The following SLC7A9 variants were observed in gnomAD, a reference collection of about 807,000 sequenced individuals.
The protein encoded by SLC7A9 is solute carrier family 7 member 9.
SLC7A9 carries 38 observed loss-of-function variants against 54.1 expected under a neutral mutation model. That is an observed-to-expected ratio of 0.70 (90% CI 0.54 to 0.92). The LOEUF (loss-of-function observed/expected upper bound fraction) is 0.92, where lower values mean the gene tolerates loss of function less well. Ranked by LOEUF, SLC7A9 falls within the 40% of genes least tolerant of loss-of-function variation. The pLI, the probability that SLC7A9 is intolerant of heterozygous loss-of-function variation, is 0.00. For synonymous variants in SLC7A9, 264 were observed against 258.9 expected, an observed-to-expected ratio of 1.02 and a Z score of -0.19; for missense variants, 537 against 636.1, an observed-to-expected ratio of 0.84 and a Z score of 1.68.
chr19:32,861,008 T>C (rs923451514), intron 6 of SLC7A9, among the ~76,000 whole-genome samples: 1 of 152,210 alleles, frequency 6.6e-6, no homozygotes, highest in South Asian at 2.1e-4. Flanking sequence ...AGGACCATCG[T>C]TGCAGATGGC....
At chr19:32,846,055 A>G (rs967197121) in intron 9 of SLC7A9, among the ~76,000 whole-genome samples, 2 of 152,228 alleles carry the variant, frequency 1.3e-5, no homozygotes, top group African/African-American at 2.4e-5. Flanking sequence ...AGATAGCCGA[A>G]TAGGAACAGC....
At position 32,858,602 on chromosome 19, in the gene SLC7A9, C is replaced by A. The variant is rs947580264; in HGVS notation, c.874-59G>T. 519 of 1,381,026 alleles carry A rather than the reference C, an allele frequency of 3.8e-4. 1 individual carries two copies. The highest frequency in any genetic ancestry group is 4.9e-4 in the Non-Finnish European group (486 of 991,784). The allele number at this position is 1,381,026 out of a possible 1,614,324, so 85.5% of individuals were successfully genotyped here. ...TTTCTTGGCCTCCAAGAGCGGCCGG[C>A]CCCCAAAAGCTATTCTGGCCTCCCA... is the stretch of plus-strand genomic sequence containing the variant. On this transcript the variant is annotated intron_variant, in intron 8 of 12. Transcript: ENST00000023064.
In SLC7A9 at chr19:32,868,155, G is replaced by A. The variant is rs28477397; in HGVS notation, c.87+293C>T. Among the ~76,000 whole-genome samples, 21,025 of 148,258 alleles carry A rather than the reference G, an allele frequency of 0.14. 2,680 individuals are homozygous for A. The highest frequency in any genetic ancestry group is 0.34 in the African/African-American group (13,380 of 39,596). On this transcript the variant is annotated intron_variant, in intron 2 of 12. Coordinates refer to ENST00000023064, the MANE Select transcript of SLC7A9 (RefSeq NM_014270.5). ...CTGAGTCAGAAGAATCCCTTGAACC[G>A]GGGAGGTGAAGGTTGCATTGAGCCG...
At position 32,868,505 on chromosome 19, in the gene SLC7A9, T is replaced by C. The variant is rs765983557; in HGVS notation, c.30A>G (p.Arg10=). 5 of 1,613,980 alleles carry C rather than the reference T, an allele frequency of 3.1e-6. No individual in the cohort carries two copies. The highest frequency in any genetic ancestry group is 2.2e-5 in the East Asian group (1 of 44,878). Residue 10 remains arginine (R), a synonymous_variant, in exon 2 of 13, where the codon AGA becomes AGG. Coordinates refer to ENST00000023064, the MANE Select transcript of SLC7A9 (RefSeq NM_014270.5). ...GGCTCTGGATCGACTTCTCATCCTC[T>C]CTCCGCTTTCTCAGGCCAGTATCCC... MGDTGLRKR[R]EDEKSIQSQE...
chr19:32,864,234 A>C lies in SLC7A9; in HGVS notation c.340T>G (p.Trp114Gly). 6.2e-7 allele frequency: 1 copy of C among 1,614,208 alleles called. No individual in the cohort carries two copies. The highest frequency in any genetic ancestry group is 8.5e-7 in the Non-Finnish European group (1 of 1,180,014). Residue 114 changes from tryptophan to glycine, a missense_variant, in exon 4 of 13, where the codon TGG (tryptophan) becomes GGG (glycine). By Grantham distance (184) the Trp-to-Gly change is radical. Coordinates refer to ENST00000023064, the MANE Select transcript of SLC7A9 (RefSeq NM_014270.5). ...GGCTTAATGACGATCAGGCTGGCCC[A>C]GGAGAAGAGGTAGGCGGGGATGGGC... Reference protein sequence around the residue: ...YGPIPAYLFSWASLIVIKPTS... With the variant: ...YGPIPAYLFSGASLIVIKPTS...
chr19:32,865,495 T>A (rs966168317), intron 2 of SLC7A9, among the ~76,000 whole-genome samples: 2 of 152,142 alleles, frequency 1.3e-5, no homozygotes, highest in African/African-American at 4.8e-5. Flanking sequence ...GATGGGAGCT[T>A]TCTGAGAACA....
intron 9 of SLC7A9, among the ~76,000 whole-genome samples, chr19:32,857,246 TG>T (rs1414263551): frequency 6.6e-6 from 1 of 151,712 alleles, no homozygotes; most frequent in East Asian, 1.9e-4. Flanking sequence ...GAGTTCGAAA[TG>T]GGCCTGGGCA....
chr19:32,850,293 A>T (rs994789124), intron 9 of SLC7A9, among the ~76,000 whole-genome samples: 1 of 148,328 alleles, frequency 6.7e-6, no homozygotes, highest in African/African-American at 2.5e-5. Flanking sequence ...CCATTGTCTC[A>T]GCCCAAAATC....
At chr19:32,834,180 A>C (rs942684441) in intron 11 of SLC7A9, among the ~76,000 whole-genome samples, 10 of 152,154 alleles carry the variant, frequency 6.6e-5, no homozygotes, top group Non-Finnish European at 1.5e-4. Context: ...GGCCCTGGGA[A>C]TGGGACGCCA....
intron 11 of SLC7A9, among the ~76,000 whole-genome samples, chr19:32,837,128 C>T (rs779459410): frequency 2.6e-5 from 4 of 152,094 alleles, no homozygotes; most frequent in Admixed American, 2.0e-4. Context: ...GTCAGTCTTG[C>T]GTCCTCGAAG....
intron 9 of SLC7A9, among the ~76,000 whole-genome samples, chr19:32,850,012 G>GGTATT (rs1410737579): frequency 6.6e-6 from 1 of 151,374 alleles, no homozygotes; most frequent in East Asian, 1.9e-4. Context: ...CAATAAATTA[G>GGTATT]GTATTGATGG....
rs778814016 is a variant in SLC7A9, at chr19:32,864,783, G to A, written c.88-7C>T. On this transcript the variant is annotated splice_polypyrimidine_tract_variant and splice_region_variant and intron_variant, in intron 2 of 12. Transcript: ENST00000023064. ...TGCCACTGATGAGGCCCAGCTGGGT[G>A]TGGAGGAAGGAAGAGGGCGTTAGTG... is the stretch of plus-strand genomic sequence containing the variant. 6.8e-6 allele frequency: 11 copies of A among 1,614,150 alleles called. No individual in the cohort carries two copies. Among genetic ancestry groups the A allele is most frequent in the South Asian group, 1.1e-5 (1 of 91,080 alleles).
chr19:32,850,393 CAGAG>C (rs1217981131), intron 9 of SLC7A9, among the ~76,000 whole-genome samples: 6 of 151,096 alleles, frequency 4.0e-5, no homozygotes, highest in African/African-American at 1.5e-4. Flanking sequence ...CAATAACAGA[CAGAG>C]AGCCAAATCA....
At position 32,847,091 on chromosome 19, in the gene SLC7A9, A is replaced by G. The variant is rs552938399; in HGVS notation, c.978-3140T>C. Among the ~76,000 whole-genome samples the G allele has an allele frequency of 1.9e-4, 29 of 152,328 alleles. 1 individual carries two copies. The Middle Eastern group carries it at 0.014, about 71-fold the overall frequency. On this transcript the variant is annotated intron_variant, in intron 9 of 12. Transcript: ENST00000023064. ...TAAACCACAAAGATGGGGAAAAAAC[A>G]GAGCAGAAAAACTGGAAACTCTAAA...
intron 5 of SLC7A9, 26 bp downstream of exon 5, chr19:32,862,435 G>C: frequency 6.2e-7 from 1 of 1,612,198 alleles, no homozygotes; most frequent in Admixed American, 1.7e-5. Context: ...GTGTGCCCGT[G>C]CAGGGCCCAC....
chr19:32,862,468 C>T lies in SLC7A9; in HGVS notation c.597G>A (p.Leu199=). The change falls in exon 5 of 13, where the codon CTG becomes CTA. Residue 199 remains leucine, a synonymous_variant. Coordinates refer to ENST00000023064, the MANE Select transcript of SLC7A9 (RefSeq NM_014270.5). ...CACCCTCCCGTGGGTCACCTTGGGCCAGGAGCACCAGCCCGCTGATGATGA... is the reference window on the plus strand; with the variant it reads ...CACCCTCCCGTGGGTCACCTTGGGCTAGGAGCACCAGCCCGCTGATGATGA... The part of the protein sequence containing the change: ...AIIIISGLVL[L]AQGNTKNFDN... 2 of 1,612,910 alleles carry T rather than the reference C, an allele frequency of 1.2e-6. No homozygotes were observed. The highest frequency in any genetic ancestry group is 2.2e-5 in the South Asian group (2 of 91,012).
chr19:32,855,433 C>T (rs1239767477), intron 9 of SLC7A9, among the ~76,000 whole-genome samples: 6 of 152,228 alleles, frequency 3.9e-5, no homozygotes, highest in East Asian at 1.9e-4. Context: ...GGCGCGGTGG[C>T]TCACGCCTGT....
At chr19:32,832,782 GCCT>G in intron 12 of SLC7A9, 1 of 299,236 alleles carries the variant, frequency 3.3e-6, no homozygotes, top group Non-Finnish European at 6.5e-6. Flanking sequence ...TGTAGTGTGT[GCCT>G]GTGGTCCCAG....
chr19:32,837,798 A>T (rs1022761076), intron 11 of SLC7A9, among the ~76,000 whole-genome samples: 2 of 152,188 alleles, frequency 1.3e-5, no homozygotes, highest in African/African-American at 2.4e-5. Context: ...TGAAACTTTT[A>T]TCACACATTT....
Sources: allele counts gnomAD v4.1 joint callset (sites outside exome capture counted in the v4.1 genomes callset), GRCh38; gene constraint gnomAD v4.1.1; transcripts MANE v1.5; gene names NCBI Gene and HGNC (gene_info 2026-07-23, HGNC 2026-07-21).